The following CTNNA3 variants were observed in gnomAD, a reference collection of about 807,000 sequenced individuals.
The protein encoded by CTNNA3 is catenin alpha-3.
CTNNA3 carries 76 observed loss-of-function variants against 95.7 expected under a neutral mutation model. The ratio of observed to expected loss-of-function variants is 0.79; its 90% CI spans 0.66 to 0.96. The LOEUF is 0.96. CTNNA3 is among the 40% of genes least tolerant of loss of function. CTNNA3 has a pLI of 0.00. For synonymous variants in CTNNA3, 431 were observed against 374.4 expected (o/e 1.15, Z -1.74); for missense variants, 1,191 against 1,089.8 (o/e 1.09, Z -1.31).
intron 7 of CTNNA3, among the ~76,000 whole-genome samples, chr10:67,080,238 T>A (rs1319708745): frequency 6.6e-6 from 1 of 152,160 alleles, no homozygotes; most frequent in Non-Finnish European, 1.5e-5. Context: ...CTGGATTGGG[T>A]TTTGAAATGG....
intron 9 of CTNNA3, among the ~76,000 whole-genome samples, chr10:66,700,953 C>T (rs557575913): frequency 5.9e-5 from 9 of 152,228 alleles, no homozygotes; most frequent in Non-Finnish European, 1.3e-4. Context: ...TCCTTTCTCT[C>T]TCATACTTTC....
intron 5 of CTNNA3, among the ~76,000 whole-genome samples, chr10:67,300,632 A>G (rs574342671): frequency 2.6e-5 from 4 of 152,192 alleles, no homozygotes; most frequent in Non-Finnish European, 4.4e-5. Context: ...GCTTCAATTA[A>G]TATATTCATA....
chr10:67,170,860 G>A (rs1039881000), intron 7 of CTNNA3, among the ~76,000 whole-genome samples: 4 of 152,086 alleles, frequency 2.6e-5, no homozygotes, highest in African/African-American at 9.7e-5. Flanking sequence ...GCCACATGTC[G>A]CTATTGAACA....
intron 7 of CTNNA3, among the ~76,000 whole-genome samples, chr10:66,953,381 G>C (rs1005916044): frequency 6.6e-6 from 1 of 152,192 alleles, no homozygotes; most frequent in Non-Finnish European, 1.5e-5. Context: ...TGAAATGAGA[G>C]AGTTGAAAAT....
chr10:66,763,954 G>A (rs146765453), intron 9 of CTNNA3, among the ~76,000 whole-genome samples: 287 of 152,226 alleles, frequency 1.9e-3, no homozygotes, highest in African/African-American at 6.8e-3. Flanking sequence ...GAAACCTTAA[G>A]CAAAAATTGC....
intron 7 of CTNNA3, among the ~76,000 whole-genome samples, chr10:66,860,452 C>T (rs1843869493): frequency 6.6e-6 from 1 of 152,086 alleles, no homozygotes. Flanking sequence ...CTTGTAAGGA[C>T]CAACCTCATT....
At chr10:66,032,335 A>G (rs1434193279) in intron 15 of CTNNA3, among the ~76,000 whole-genome samples, 1 of 152,204 alleles carries the variant, frequency 6.6e-6, no homozygotes. Context: ...TGAATTATGT[A>G]GAGGTATTTT....
At chr10:67,744,117 G>A (rs1336222565) in intron 1 of CTNNA3, among the ~76,000 whole-genome samples, 5 of 151,084 alleles carry the variant, frequency 3.3e-5, no homozygotes, top group African/African-American at 9.7e-5. Flanking sequence ...CCATCAAGCT[G>A]CCAATGACTT....
intron 13 of CTNNA3, among the ~76,000 whole-genome samples, chr10:66,229,512 G>GT (rs551313622): frequency 3.1e-4 from 47 of 151,796 alleles, no homozygotes; most frequent in African/African-American, 7.0e-4. Flanking sequence ...CGTCTCACAG[G>GT]TTTTTTTTAT....
chr10:66,296,746 T>C (rs1414987338), intron 12 of CTNNA3, among the ~76,000 whole-genome samples: 1 of 152,102 alleles, frequency 6.6e-6, no homozygotes, highest in Non-Finnish European at 1.5e-5. Flanking sequence ...CTTCACTAAA[T>C]GTTGTGACAT....
chr10:66,705,849 C>T (rs913515278), intron 9 of CTNNA3, among the ~76,000 whole-genome samples: 4 of 152,066 alleles, frequency 2.6e-5, no homozygotes, highest in Non-Finnish European at 4.4e-5. Flanking sequence ...CTTCCTACCT[C>T]TTGTTTGAAA....
chr10:66,799,458 C>G (rs1270502792), intron 7 of CTNNA3, among the ~76,000 whole-genome samples: 1 of 151,282 alleles, frequency 6.6e-6, no homozygotes, highest in African/African-American at 2.4e-5. Context: ...AATAGAATAT[C>G]TGAAGTTAAG....
chr10:66,445,892 T>A (rs1457513908), intron 11 of CTNNA3, among the ~76,000 whole-genome samples: 1 of 152,130 alleles, frequency 6.6e-6, no homozygotes, highest in Non-Finnish European at 1.5e-5. Flanking sequence ...GGAGCTGGTT[T>A]TTTGAAAAGA....
chr10:66,795,324 G>T (rs994436707), intron 7 of CTNNA3, among the ~76,000 whole-genome samples: 1 of 152,132 alleles, frequency 6.6e-6, no homozygotes, highest in Non-Finnish European at 1.5e-5. Flanking sequence ...TACCAGGCAT[G>T]AAAACAACAT....
intron 13 of CTNNA3, among the ~76,000 whole-genome samples, chr10:66,245,462 C>A (rs1442376048): frequency 2.0e-5 from 3 of 152,174 alleles, no homozygotes; most frequent in Non-Finnish European, 4.4e-5. Flanking sequence ...TTCTGCCATT[C>A]AGTGGCTCCC....
intron 12 of CTNNA3, among the ~76,000 whole-genome samples, chr10:66,346,246 T>TATATATATATAGAGAG (rs1416945569): frequency 9.4e-4 from 26 of 27,752 alleles, no homozygotes; most frequent in Non-Finnish European, 1.6e-3. Flanking sequence ...TATATATATA[T>TATATATATATAGAGAG]AGAGAGAGAG....
intron 14 of CTNNA3, among the ~76,000 whole-genome samples, chr10:66,080,603 C>T (rs1297179984): frequency 6.6e-6 from 1 of 152,140 alleles, no homozygotes; most frequent in Non-Finnish European, 1.5e-5. Context: ...ATGACTTTTC[C>T]TAAAGCCAAT....
chr10:67,513,914 T>C (rs80309356), intron 5 of CTNNA3, among the ~76,000 whole-genome samples: 2,517 of 152,342 alleles, frequency 0.017, 76 homozygotes, highest in African/African-American at 0.055. Flanking sequence ...GTTGTGAGAA[T>C]ATATCATTTC....
Position 66,981,377 on chromosome 10 carries a change from A to C in CTNNA3, c.1047+198940T>G, listed in dbSNP as rs1850432221. On this transcript the variant is annotated intron_variant, in intron 7 of 17. Transcript: ENST00000433211. ...AACTTCATCAGCTCACTCAGGCATA[A>C]GTCACCCTGCATTCTGCACTCTTCT... Among the ~76,000 whole-genome samples, 3 of 152,230 alleles carry C rather than the reference A, an allele frequency of 2.0e-5. No individual in the cohort carries two copies. The South Asian group carries it at 6.2e-4, about 32-fold the overall frequency.
Sources: allele counts gnomAD v4.1 joint callset (sites outside exome capture counted in the v4.1 genomes callset), GRCh38; gene constraint gnomAD v4.1.1; transcripts MANE v1.5; gene names NCBI Gene and HGNC (gene_info 2026-07-23, HGNC 2026-07-21).